The following JADE2 variants were observed in gnomAD, a reference collection of about 807,000 sequenced individuals.
JADE2 encodes E3 ubiquitin-protein ligase Jade-2.
JADE2 carries 13 observed loss-of-function variants against 85.7 expected under a neutral mutation model. That is an observed-to-expected ratio of 0.15 (90% confidence interval 0.10 to 0.24). The LOEUF is 0.24. Ranked by LOEUF, JADE2 falls within the 10% of genes least tolerant of loss-of-function variation. The pLI is 1.00. For synonymous variants in JADE2, 440 were observed against 456.1 expected, an observed-to-expected ratio of 0.96 and a Z score of 0.45; for missense variants, 846 against 1,115.9, an observed-to-expected ratio of 0.76 and a Z score of 3.45.
At chr5:134,542,435 CTTTTTTTTT>C (rs10568722) in intron 3 of JADE2, among the ~76,000 whole-genome samples, 1 of 93,458 alleles carries the variant, frequency 1.1e-5, no homozygotes, top group Non-Finnish European at 2.1e-5. Context: ...GTACCTATAC[CTTTTTTTTT>C]TTTTTTTTTT....
chr5:134,540,705 C>T (rs1761916150), intron 3 of JADE2, among the ~76,000 whole-genome samples: 1 of 152,160 alleles, frequency 6.6e-6, no homozygotes, highest in African/African-American at 2.4e-5. Context: ...TTTGTTGTAG[C>T]TGTTCAAGTT....
At position 134,560,969 on chromosome 5, in the gene JADE2, C is replaced by A; in HGVS notation, c.684+12C>A. ...TCTGTGTGCATCAGGTGGGCAGACC[C>A]CCCAGTCACCCTCACCTGTGCCATG... On this transcript the variant is annotated intron_variant, in intron 6 of 11. Transcript: ENST00000681547. 2.5e-6 allele frequency: 4 copies of A among 1,606,252 alleles called. No homozygotes were observed. The Admixed American group carries it at 5.0e-5, about 20-fold the overall frequency.
intron 3 of JADE2, among the ~76,000 whole-genome samples, chr5:134,548,756 T>A (rs72798650): frequency 0.032 from 4,934 of 152,230 alleles, 274 homozygotes; most frequent in South Asian, 0.23. Context: ...GACCACATCT[T>A]ACCAGCTGGT....
chr5:134,562,810 C>A lies in JADE2; in HGVS notation c.852+443C>A, dbSNP rs1763406760. 6.6e-6 allele frequency among the ~76,000 whole-genome samples: 1 copy of A among 152,078 alleles called. No homozygotes were observed. Among genetic ancestry groups the A allele is most frequent in the African/African-American group, 2.4e-5 (1 of 41,376 alleles). On this transcript the variant is annotated intron_variant, in intron 7 of 11. Transcript: ENST00000681547. This position sits in a 1 kb window ranked among gnomAD's most constrained non-coding sequence, Gnocchi z 4.6. ...ACACACTGGGATCTCAGGTGATGGGCCAGCAAAGAATCCAGGCCGCAGCTA... is the reference window on the plus strand; with the variant it reads ...ACACACTGGGATCTCAGGTGATGGGACAGCAAAGAATCCAGGCCGCAGCTA...
In JADE2 at chr5:134,579,064, G is replaced by T; in HGVS notation, c.2252G>T (p.Arg751Leu). 6.2e-7 allele frequency: 1 copy of T among 1,614,008 alleles called. No homozygotes were observed. The highest frequency in any genetic ancestry group is 8.5e-7 in the Non-Finnish European group (1 of 1,179,974). The change falls in exon 12 of 12, where the codon CGG (arginine) becomes CTG (leucine). Residue 751 changes from arginine (R) to leucine (L), a missense_variant. Physicochemically the swap from Arg to Leu is moderately radical, Grantham distance 102 (BLOSUM62 -2). This residue lies in a region of JADE2 where 300 missense variants were observed against 300.7 expected (regional missense o/e 1.00). Coordinates refer to ENST00000681547, the MANE Select transcript of JADE2 (RefSeq NM_001388185.1). This position sits in a 1 kb window ranked among gnomAD's most constrained non-coding sequence, Gnocchi z 4.6. ...GCAGCAAGCCCTAAGCCTTTGGGCC[G>T]GCTCCGGCCACCCCGCGAGAGCAAG... ...GPAASPKPLG[R>L]LRPPRESKVT...
At chr5:134,548,113 G>A (rs1762396371) in intron 3 of JADE2, among the ~76,000 whole-genome samples, 1 of 152,224 alleles carries the variant, frequency 6.6e-6, no homozygotes, top group South Asian at 2.1e-4. Context: ...GTGGTCACAG[G>A]GCCTCATTGG....
intron 1 of JADE2, among the ~76,000 whole-genome samples, chr5:134,531,884 T>TC (rs1491157990): frequency 6.9e-5 from 3 of 43,356 alleles, no homozygotes; most frequent in African/African-American, 2.1e-4. Context: ...CGTGCCTGGC[T>TC]TTTTTTTTTT....
In JADE2 at chr5:134,552,110, C is replaced by G. The variant is rs746328932; in HGVS notation, c.212C>G (p.Pro71Arg). The change falls in exon 4 of 12, where the codon CCG (proline) becomes CGG (arginine). Residue 71 changes from proline (P) to arginine (R), a missense_variant. Pro to Arg is a moderately radical substitution (Grantham distance 103). Around this residue, in one of 9 missense-constraint regions of JADE2, gnomAD observed 44 missense variants for 92.0 expected, o/e 0.48. Transcript: ENST00000681547. ...MKIPDSYQLS[P>R]DDYYILADPW... ...ATCCCGGACTCATACCAGCTCAGCCCGGATGACTACTACATCCTGGCAGAC... is the reference window on the plus strand; with the variant it reads ...ATCCCGGACTCATACCAGCTCAGCCGGGATGACTACTACATCCTGGCAGAC... The G allele has an allele frequency of 1.9e-6, 3 of 1,614,138 alleles. No individual in the cohort carries two copies. The highest frequency in any genetic ancestry group is 1.7e-6 in the Non-Finnish European group (2 of 1,179,978).
In JADE2 at chr5:134,539,007, C is replaced by T. The variant is rs185083124; in HGVS notation, c.153+924C>T. Reference sequence around the variant, plus strand: ...GAGTAGCTGGGATTACAGGTGCACACAGCACACCCAGCTAATTTTTGTATT... The same window carrying T: ...GAGTAGCTGGGATTACAGGTGCACATAGCACACCCAGCTAATTTTTGTATT... On this transcript the variant is annotated intron_variant, in intron 3 of 11. Coordinates refer to ENST00000681547, the MANE Select transcript of JADE2 (RefSeq NM_001388185.1). Among the ~76,000 whole-genome samples, 180 of 150,526 alleles carry T rather than the reference C, an allele frequency of 1.2e-3. 2 individuals carry two copies. The Middle Eastern group carries it at 0.021, about 17-fold the overall frequency.
chr5:134,557,532 C>T (rs868115472), intron 4 of JADE2, among the ~76,000 whole-genome samples: 1 of 86,810 alleles, frequency 1.2e-5, no homozygotes, highest in South Asian at 4.1e-4. Context: ...CCTCCCCCCT[C>T]CCCCGAACCC....
chr5:134,582,645 A>T lies in JADE2; in HGVS notation c.*3328A>T, dbSNP rs1036720399. On this transcript the variant is annotated 3_prime_UTR_variant, in exon 12 of 12. Coordinates refer to ENST00000681547, the MANE Select transcript of JADE2 (RefSeq NM_001388185.1). ...TTGGCCTCGCTGGCCACATTGGCCA[A>T]TGAGCCAGGGCTGGAGTCTGAGACC... 2.0e-5 allele frequency: 3 copies of T among 152,688 alleles called. No individual in the cohort carries two copies. Among genetic ancestry groups the T allele is most frequent in the African/African-American group, 7.2e-5 (3 of 41,476 alleles). The allele number at this position is 152,688 out of a possible 1,614,324, so 9.5% of individuals were successfully genotyped here. A position where few individuals can be genotyped will look rare whatever the true frequency, so the allele number is the denominator to read the frequency against.
intron 4 of JADE2, among the ~76,000 whole-genome samples, chr5:134,559,211 A>G (rs1763173780): frequency 1.3e-5 from 2 of 152,204 alleles, no homozygotes; most frequent in African/African-American, 4.8e-5. Flanking sequence ...CCGTGTAACC[A>G]GGTAGGGCTC....
chr5:134,571,357 C>T (rs1345612290), intron 9 of JADE2, among the ~76,000 whole-genome samples: 1 of 152,228 alleles, frequency 6.6e-6, no homozygotes, highest in Non-Finnish European at 1.5e-5. Flanking sequence ...GTACAGAAGC[C>T]ACTGGAGGTT....
chr5:134,534,269 T>C (rs890359114), intron 1 of JADE2, among the ~76,000 whole-genome samples: 5 of 152,064 alleles, frequency 3.3e-5, no homozygotes, highest in Admixed American at 1.3e-4. Context: ...TAGGGACTCG[T>C]TGAGGTCCCT....
rs765764332 is a variant in JADE2, at chr5:134,580,909, C to G, written c.*1592C>G. On this transcript the variant is annotated 3_prime_UTR_variant, in exon 12 of 12. Transcript: ENST00000681547. ...CTGGGCTGAGCCCACTGTGAGCTTT[C>G]CTAAACTGTGAGACTCACAGAGGGG... is the stretch of plus-strand genomic sequence containing the variant. 1.3e-5 allele frequency: 2 copies of G among 152,576 alleles called. No individual in the cohort carries two copies. The highest frequency in any genetic ancestry group is 2.9e-5 in the Non-Finnish European group (2 of 68,034). The allele number at this position is 152,576 out of a possible 1,614,324, so 9.5% of individuals were successfully genotyped here. A position where few individuals can be genotyped will look rare whatever the true frequency, so the allele number is the denominator to read the frequency against.
At chr5:134,573,376 C>T (rs914558535) in intron 9 of JADE2, among the ~76,000 whole-genome samples, 12 of 152,186 alleles carry the variant, frequency 7.9e-5, no homozygotes, top group African/African-American at 2.9e-4. Context: ...TTGACCTAAC[C>T]AGATGCTTTT....
chr5:134,526,832 C>T, intron 1 of JADE2: 1 of 885,474 alleles, frequency 1.1e-6, no homozygotes, highest in Non-Finnish European at 1.4e-6. Context: ...ACCTCCGGGG[C>T]CGCGCGGTAG....
In JADE2 at chr5:134,566,189, T is replaced by C; in HGVS notation, c.1043T>C (p.Ile348Thr). 1 of 1,614,026 alleles carries C rather than the reference T, an allele frequency of 6.2e-7. No individual in the cohort carries two copies. The highest frequency in any genetic ancestry group is 1.6e-4 in the Middle Eastern group (1 of 6,062). ...AFDHGLEMRT[I>T]LADNDEVKFK... is the part of the protein sequence containing the mutation. ...GACCACGGCCTGGAAATGCGGACTATATTAGCAGACAACGATGAGGTCAAG... is the reference window on the plus strand; with the variant it reads ...GACCACGGCCTGGAAATGCGGACTACATTAGCAGACAACGATGAGGTCAAG... The change falls in exon 9 of 12, where the codon ATA (isoleucine) becomes ACA (threonine). Residue 348 changes from isoleucine to threonine, a missense_variant. Coordinates refer to ENST00000681547, the MANE Select transcript of JADE2 (RefSeq NM_001388185.1). The surrounding 1 kb of genome is among the most constrained non-coding windows in gnomAD (Gnocchi z 6.7).
In JADE2 at chr5:134,578,912, G is replaced by C. The variant is rs114578929; in HGVS notation, c.2100G>C (p.Pro700=). 6.2e-7 allele frequency: 1 copy of C among 1,613,792 alleles called. No individual in the cohort carries two copies. The highest frequency in any genetic ancestry group is 1.7e-5 in the Admixed American group (1 of 60,028). ...KPPRRTSSHL[P]SSPAAGDCPI... ...CACGTCGGACATCTTCTCACTTGCC[G>C]TCCAGCCCTGCAGCCGGGGACTGTC... The change falls in exon 12 of 12, where the codon CCG becomes CCC. Residue 700 remains proline (P), a synonymous_variant. Transcript: ENST00000681547. This position sits in a 1 kb window ranked among gnomAD's most constrained non-coding sequence, Gnocchi z 4.4.
Sources: allele counts gnomAD v4.1 joint callset (sites outside exome capture counted in the v4.1 genomes callset), GRCh38; gene constraint gnomAD v4.1.1; regional missense constraint gnomAD v4.1.1; non-coding constraint Gnocchi (gnomAD v3.1); transcripts MANE v1.5; gene names NCBI Gene and HGNC (gene_info 2026-07-23, HGNC 2026-07-21).